Variants in CLHC1 observed in about 807,000 individuals in gnomAD.
CLHC1 encodes the protein clathrin heavy chain linker domain containing 1, also known as clathrin heavy chain linker domain-containing protein 1.
CLHC1 carries 72 observed loss-of-function variants against 69.5 expected under a neutral mutation model. That is an observed-to-expected ratio of 1.04 (90% confidence interval 0.86 to 1.26). CLHC1 has a LOEUF of 1.26. Among genes scored for constraint, CLHC1 ranks in the 50% most tolerant of loss-of-function variants. The pLI, the probability that CLHC1 is intolerant of heterozygous loss-of-function variation, is 0.00. For synonymous variants in CLHC1, 223 were observed against 224.3 expected (o/e 0.99, Z 0.05); for missense variants, 790 against 679.3 (o/e 1.16, Z -1.81).
intron 12 of CLHC1, 72 bp downstream of exon 12, chr2:55,177,530 A>C: frequency 9.3e-7 from 1 of 1,075,518 alleles, no homozygotes; most frequent in Non-Finnish European, 1.3e-6. Context: ...GAGTTAACTC[A>C]TGCATAACCA....
At chr2:55,176,089 T>G (rs1669365921) in intron 12 of CLHC1, 103 bp from the exon 13 acceptor site, 2 of 903,250 alleles carry the variant, frequency 2.2e-6, no homozygotes, top group Non-Finnish European at 3.4e-6. Context: ...ACTCAGTTAC[T>G]GTTAAACTCT....
At chr2:55,208,540 T>G in intron 8 of CLHC1, 86 bp downstream of exon 8, 1 of 811,696 alleles carries the variant, frequency 1.2e-6, no homozygotes, top group Non-Finnish European at 2.1e-6. Flanking sequence ...CTGAAAAATC[T>G]CCTAGATTCC....
intron 9 of CLHC1, among the ~76,000 whole-genome samples, chr2:55,196,672 C>T (rs1445560573): frequency 6.6e-6 from 1 of 152,140 alleles, no homozygotes; most frequent in Non-Finnish European, 1.5e-5. Flanking sequence ...CCCCTTGGGC[C>T]CTGAATGACC....
chr2:55,174,827 G>A lies in CLHC1; in HGVS notation c.*963C>T, dbSNP rs948622671. Reference sequence around the variant, plus strand: ...CGGGATCTCACTGTGTTACCTAGCTGGTCTCAAACTCCTGGGCTCAAGCGA... The same window carrying A: ...CGGGATCTCACTGTGTTACCTAGCTAGTCTCAAACTCCTGGGCTCAAGCGA... On this transcript the variant is annotated 3_prime_UTR_variant, in exon 13 of 13. Coordinates refer to ENST00000401408, the MANE Select transcript of CLHC1 (RefSeq NM_152385.4). 3 of 151,342 alleles carry A rather than the reference G, an allele frequency of 2.0e-5. No homozygotes were observed. Among genetic ancestry groups the A allele is most frequent in the African/African-American group, 4.9e-5 (2 of 41,116 alleles). The allele number at this position is 151,342 out of a possible 1,614,324, so 9.4% of individuals were successfully genotyped here. A position where few individuals can be genotyped will look rare whatever the true frequency, so the allele number is the denominator to read the frequency against.
intron 9 of CLHC1, among the ~76,000 whole-genome samples, chr2:55,194,286 G>GA (rs1671194046): frequency 6.6e-6 from 1 of 151,804 alleles, no homozygotes; most frequent in Non-Finnish European, 1.5e-5. Context: ...TATACTAATA[G>GA]AAAAGAACAA....
intron 9 of CLHC1, among the ~76,000 whole-genome samples, chr2:55,205,933 G>A (rs1672399763): frequency 6.6e-6 from 1 of 151,740 alleles, no homozygotes; most frequent in Non-Finnish European, 1.5e-5. Flanking sequence ...ACTTTAATAT[G>A]TACAATTTGT....
Position 55,175,012 on chromosome 2 carries a change from T to A in CLHC1, c.*778A>T, listed in dbSNP as rs1313625873. 1 of 152,172 alleles carries A rather than the reference T, an allele frequency of 6.6e-6. No homozygotes were observed. Among genetic ancestry groups the A allele is most frequent in the Non-Finnish European group, 1.5e-5 (1 of 68,040 alleles). The allele number at this position is 152,172 out of a possible 1,614,324, so 9.4% of individuals were successfully genotyped here. A position where few individuals can be genotyped will look rare whatever the true frequency, so the allele number is the denominator to read the frequency against. On this transcript the variant is annotated 3_prime_UTR_variant, in exon 13 of 13. Transcript: ENST00000401408. ...AAAGGCTGTTCTGATTAATTAGGTA[T>A]CTGTTCTGCTTGATTTGTGCCCATG...
chr2:55,215,554 T>G (rs1214173332), intron 4 of CLHC1, among the ~76,000 whole-genome samples: 1 of 152,332 alleles, frequency 6.6e-6, no homozygotes, highest in East Asian at 1.9e-4. Flanking sequence ...CCATCAATGA[T>G]CAGCTGAGTA....
Position 55,177,746 on chromosome 2 carries a change from C to G in CLHC1, c.1420G>C (p.Val474Leu), listed in dbSNP as rs1477405229. The G allele has an allele frequency of 6.2e-7, 1 of 1,610,786 alleles. No homozygotes were observed. ...LLQLLMSCPQVELIQCLTKEL... is the reference protein window; with the variant it reads ...LLQLLMSCPQLELIQCLTKEL... ...TTAGTGAGACACTGAATTAATTCAA[C>G]TTGGGGACATGACATTAATAGCTGC... The change falls in exon 12 of 13, where the codon GTT (valine) becomes CTT (leucine). Residue 474 changes from valine (V) to leucine (L), a missense_variant. By Grantham distance (32) the Val-to-Leu change is conservative (BLOSUM62 1). Transcript: ENST00000401408.
intron 3 of CLHC1, among the ~76,000 whole-genome samples, chr2:55,221,612 A>T (rs1346447985): frequency 6.6e-6 from 1 of 152,230 alleles, no homozygotes; most frequent in East Asian, 1.9e-4. Context: ...CTAACAAATC[A>T]GATGATACTT....
intron 4 of CLHC1, among the ~76,000 whole-genome samples, chr2:55,217,133 G>A (rs1399004922): frequency 6.6e-6 from 1 of 151,924 alleles, no homozygotes; most frequent in Non-Finnish European, 1.5e-5. Flanking sequence ...AGGCAGAGGT[G>A]GCAGTGGGCC....
chr2:55,227,861 C>A (rs1204501816), intron 2 of CLHC1, among the ~76,000 whole-genome samples, 171 bp downstream of exon 2: 1 of 151,666 alleles, frequency 6.6e-6, no homozygotes, highest in Non-Finnish European at 1.5e-5. Context: ...TTTCTTTGAC[C>A]AAATTTACTC....
In CLHC1 at chr2:55,206,380, T is replaced by A; in HGVS notation, c.900-4A>T. 1 of 1,523,848 alleles carries A rather than the reference T, an allele frequency of 6.6e-7. No individual in the cohort carries two copies. The highest frequency in any genetic ancestry group is 9.1e-7 in the Non-Finnish European group (1 of 1,099,774). 94.4% of individuals were successfully genotyped at this position (1,523,848 alleles called of 1,614,324 possible). ...AAGTGAGATTAACTCATTAAACCTA[T>A]AGCCATCACATTTTAAAATGCATTA... On this transcript the variant is annotated splice_polypyrimidine_tract_variant and splice_region_variant and intron_variant, in intron 8 of 12. Transcript: ENST00000401408.
At chr2:55,229,578 G>A (rs913243553) in intron 1 of CLHC1, among the ~76,000 whole-genome samples, 1 of 152,200 alleles carries the variant, frequency 6.6e-6, no homozygotes, top group Non-Finnish European at 1.5e-5. Flanking sequence ...AGCCTAGGGG[G>A]TACCTTTGTG....
At chr2:55,178,792 C>T (rs184899839) in intron 11 of CLHC1, among the ~76,000 whole-genome samples, 51 of 152,180 alleles carry the variant, frequency 3.4e-4, no homozygotes, top group Admixed American at 8.5e-4. Flanking sequence ...ACTCTGAAAG[C>T]CTTGGGTTTT....
upstream of CLHC1, chr2:55,232,519 G>C (rs1278021032): frequency 1.2e-5 from 6 of 493,704 alleles, no homozygotes; most frequent in South Asian, 6.4e-5. Context: ...GAAGGCTAAA[G>C]TGAGAAATAA....
chr2:55,195,231 G>A (rs975251165), intron 9 of CLHC1, among the ~76,000 whole-genome samples: 1 of 151,810 alleles, frequency 6.6e-6, no homozygotes, highest in African/African-American at 2.4e-5. Flanking sequence ...TCCACTCTCC[G>A]CTTCTATGAA....
chr2:55,220,776 C>T (rs763261217), intron 3 of CLHC1, among the ~76,000 whole-genome samples: 11 of 152,132 alleles, frequency 7.2e-5, no homozygotes, highest in Non-Finnish European at 1.3e-4. Context: ...ACAGTAGAGT[C>T]GCAGCATGAC....
Position 55,186,389 on chromosome 2 carries a change from G to A in CLHC1, c.1007-4645C>T, listed in dbSNP as rs532216800. 8.5e-5 allele frequency among the ~76,000 whole-genome samples: 13 copies of A among 152,286 alleles called. No individual in the cohort carries two copies. The East Asian group carries it at 2.5e-3, about 29-fold the overall frequency. ...AAAGCACATCCATGAGCATGAGTTA[G>A]GATACCCAATAATCTGGAGAATTTA... is the stretch of plus-strand genomic sequence containing the variant. On this transcript the variant is annotated intron_variant, in intron 9 of 12. Transcript: ENST00000401408.
Sources: gnomAD v4.1 joint callset for allele counts (sites outside exome capture counted in the v4.1 genomes callset) on GRCh38, gnomAD v4.1.1 for gene constraint, MANE v1.5 for transcripts, NCBI Gene and HGNC (gene_info 2026-07-23, HGNC 2026-07-21) for gene names.